SIRT4: variants seen among roughly 807,000 people sequenced by gnomAD.
SIRT4 encodes the protein sirtuin 4, also known as NAD-dependent protein lipoamidase sirtuin-4, mitochondrial.
SIRT4 carries 23 observed loss-of-function variants against 26.1 expected under a neutral mutation model. The observed-to-expected ratio is 0.88, with a 90% CI of 0.63 to 1.25. SIRT4 has a LOEUF of 1.25. Ranked by LOEUF, SIRT4 falls within the 50% of genes most tolerant of loss-of-function variation. The pLI, the probability that SIRT4 is intolerant of heterozygous loss-of-function variation, is 0.00. For missense variants in SIRT4, 361 were observed against 405.4 expected, an observed-to-expected ratio of 0.89 and a Z score of 0.94; for synonymous variants, 155 against 158.4, an observed-to-expected ratio of 0.98 and a Z score of 0.16.
chr12:120,307,091 G>C lies in SIRT4; in HGVS notation c.497+3033G>C, dbSNP rs573231386. Reference sequence around the variant, plus strand: ...GAGGCTCCTCTGAGGGCTGAAGTCAGTCTGCCAATGCTGAAATATTTACTG... The same window carrying C: ...GAGGCTCCTCTGAGGGCTGAAGTCACTCTGCCAATGCTGAAATATTTACTG... On this transcript the variant is annotated intron_variant, in intron 2 of 3. Transcript: ENST00000202967. Among the ~76,000 whole-genome samples the C allele has an allele frequency of 2.0e-5, 3 of 152,330 alleles. No homozygotes were observed. In the South Asian group the frequency reaches 6.2e-4, roughly 32 times the overall value.
In SIRT4 at chr12:120,303,762, C is replaced by T. The variant is rs528028271; in HGVS notation, c.201C>T (p.Thr67=). Residue 67 remains threonine, a synonymous_variant, in exon 2 of 4, where the codon ACC becomes ACT. Transcript: ENST00000202967. ...TGATGACTGGGGCAGGAATCTCCACCGAATCGGGGATACCAGACTACAGGT... is the reference window on the plus strand; with the variant it reads ...TGATGACTGGGGCAGGAATCTCCACTGAATCGGGGATACCAGACTACAGGT... ...LLVMTGAGIS[T]ESGIPDYRSE... The T allele has an allele frequency of 3.3e-5, 54 of 1,614,084 alleles. No individual in the cohort carries two copies. Among genetic ancestry groups the T allele is most frequent in the South Asian group, 3.3e-4 (30 of 91,082 alleles).
At chr12:120,295,775 G>C in the SIRT4 span, among the ~76,000 whole-genome samples, 9 of 151,794 alleles carry the variant, frequency 5.9e-5, no homozygotes, top group African/African-American at 2.2e-4. Flanking sequence ...ACCTACATCT[G>C]GTCTAGGTGT....
chr12:120,304,371 C>T (rs568315456), intron 2 of SIRT4, among the ~76,000 whole-genome samples: 5 of 152,110 alleles, frequency 3.3e-5, no homozygotes, highest in African/African-American at 7.2e-5. Context: ...GGACTGGGGC[C>T]GGGCGCAGTG....
In SIRT4 at chr12:120,312,537, T is replaced by C. The variant is rs1231117345; in HGVS notation, c.579T>C (p.Ser193=). The C allele has an allele frequency of 6.2e-7, 1 of 1,613,946 alleles. No individual in the cohort carries two copies. Among genetic ancestry groups the C allele is most frequent in the East Asian group, 2.2e-5 (1 of 44,862 alleles). Residue 193 remains serine, a synonymous_variant, in exon 3 of 4, where the codon AGT becomes AGC. Transcript: ENST00000202967. ...ERFQVLNPTW[S]AEAHGLAPDG... ...TCCAAGTCCTGAACCCCACCTGGAG[T>C]GCTGAGGCCCATGGCCTGGCTCCTG... is the stretch of plus-strand genomic sequence containing the variant.
the SIRT4 span, among the ~76,000 whole-genome samples, chr12:120,292,942 G>GTT: frequency 6.6e-6 from 1 of 152,162 alleles, no homozygotes; most frequent in African/African-American, 2.4e-5. Context: ...CACTAAAACA[G>GTT]GTAAACTTGC....
chr12:120,309,990 T>G (rs1872897178), intron 2 of SIRT4, among the ~76,000 whole-genome samples: 2 of 152,082 alleles, frequency 1.3e-5, no homozygotes, highest in Admixed American at 1.3e-4. Flanking sequence ...TTGCTGGGAT[T>G]ACAGGTGTGA....
At chr12:120,309,716 T>TC (rs1872886309) in intron 2 of SIRT4, among the ~76,000 whole-genome samples, 1 of 124,570 alleles carries the variant, frequency 8.0e-6, no homozygotes, top group Non-Finnish European at 1.7e-5. Flanking sequence ...CCCGCTTTCT[T>TC]TTTTTTTTTT....
intron 2 of SIRT4, among the ~76,000 whole-genome samples, chr12:120,309,400 CT>C (rs934809069): frequency 1.3e-5 from 2 of 150,082 alleles, no homozygotes; most frequent in African/African-American, 2.4e-5. Flanking sequence ...TCACAGGGGC[CT>C]TTTTTTCTTT....
chr12:120,297,932 T>C (rs181001281), upstream of SIRT4, among the ~76,000 whole-genome samples: 2 of 152,144 alleles, frequency 1.3e-5, no homozygotes, highest in South Asian at 2.1e-4. Flanking sequence ...TCAGTCTAGC[T>C]TCTGGTGCTT....
upstream of SIRT4, among the ~76,000 whole-genome samples, chr12:120,301,598 G>A (rs184678193): frequency 6.9e-3 from 1,034 of 150,594 alleles, 12 homozygotes; most frequent in African/African-American, 0.023. Flanking sequence ...TCGGGAGTTC[G>A]AGACCAGCCT....
chr12:120,304,632 G>T, intron 2 of SIRT4, among the ~76,000 whole-genome samples: 1 of 148,512 alleles, frequency 6.7e-6, no homozygotes, highest in Non-Finnish European at 1.5e-5. Flanking sequence ...GGGCAACAGT[G>T]CAAAAAAAAA....
At chr12:120,298,185 A>C (rs1872402473), upstream of SIRT4, among the ~76,000 whole-genome samples, 1 of 140,090 alleles carries the variant, frequency 7.1e-6, no homozygotes, top group Non-Finnish European at 1.5e-5. Context: ...AACAAGAGTG[A>C]AACTCCATCT....
chr12:120,302,798 C>T (rs1214941691), intron 1 of SIRT4, among the ~76,000 whole-genome samples: 2 of 150,882 alleles, frequency 1.3e-5, no homozygotes, highest in Non-Finnish European at 2.9e-5. Context: ...CGGCTCACTG[C>T]AACCTCCGCC....
At chr12:120,295,951 GT>G in the SIRT4 span, among the ~76,000 whole-genome samples, 1 of 151,298 alleles carries the variant, frequency 6.6e-6, no homozygotes, top group African/African-American at 2.4e-5. Context: ...ACGGGGCGTG[GT>G]GGCGCTTGCC....
chr12:120,294,828 C>CTTTT, the SIRT4 span, among the ~76,000 whole-genome samples: 5 of 137,492 alleles, frequency 3.6e-5, no homozygotes, highest in African/African-American at 1.3e-4. Flanking sequence ...ACTGTTTATC[C>CTTTT]TTTTTTTTTT....
At chr12:120,304,187 C>T in intron 2 of SIRT4, 129 bp downstream of exon 2, 1 of 1,179,012 alleles carries the variant, frequency 8.5e-7, no homozygotes, top group East Asian at 2.5e-5. Flanking sequence ...GTTTATTTTG[C>T]AGTTGATTCC....
chr12:120,293,405 T>C, the SIRT4 span, among the ~76,000 whole-genome samples: 1 of 152,172 alleles, frequency 6.6e-6, no homozygotes, highest in Non-Finnish European at 1.5e-5. Context: ...TCGTTGCTGA[T>C]TTCACTTAGC....
At position 120,312,331 on chromosome 12, in the gene SIRT4, G is replaced by A. The variant is rs1035456569; in HGVS notation, c.498-125G>A. The A allele has an allele frequency of 3.5e-6, 3 of 868,352 alleles. No individual in the cohort carries two copies. The Admixed American group carries it at 7.1e-5, about 20-fold the overall frequency. 53.8% of individuals were successfully genotyped at this position (868,352 alleles called of 1,614,324 possible). ...TAGAAAGTATGGCTAAAATGGGGTG[G>A]GGATTGTGTGTTAGGGAAAGAAAGC... On this transcript the variant is annotated intron_variant, in intron 2 of 3. Coordinates refer to ENST00000202967, the MANE Select transcript of SIRT4 (RefSeq NM_012240.3).
chr12:120,297,318 A>C (rs1165294455), upstream of SIRT4, among the ~76,000 whole-genome samples: 3 of 4,630 alleles, frequency 6.5e-4, no homozygotes, highest in African/African-American at 8.6e-4. Context: ...CCTGTAATCA[A>C]AAAAAAAAAA....
Sources: gnomAD v4.1 joint callset for allele counts (sites outside exome capture counted in the v4.1 genomes callset) on GRCh38, gnomAD v4.1.1 for gene constraint, MANE v1.5 for transcripts, NCBI Gene and HGNC (gene_info 2026-07-23, HGNC 2026-07-21) for gene names.